Variants in DOCK7 observed in about 807,000 individuals in gnomAD.
DOCK7 encodes the protein dedicator of cytokinesis 7, also known as dedicator of cytokinesis protein 7.
Under a neutral mutation model 271.0 loss-of-function variants are expected in DOCK7, and 138 were observed. The observed-to-expected ratio is 0.51, with a 90% CI of 0.44 to 0.59. The LOEUF (loss-of-function observed/expected upper bound fraction) is 0.59, where lower values mean the gene tolerates loss of function less well. Among genes scored for constraint, DOCK7 ranks in the 20% least tolerant of loss-of-function variants. DOCK7 has a pLI of 0.00. For missense variants in DOCK7, 2,066 were observed against 2,592.4 expected (o/e 0.80, Z 4.41); for synonymous variants, 823 against 876.1 (o/e 0.94, Z 1.07).
At chr1:62,505,892 T>A in intron 35 of DOCK7, 76 bp from the exon 36 acceptor site, 1 of 1,438,488 alleles carries the variant, frequency 7.0e-7, no homozygotes, top group South Asian at 1.4e-5. Flanking sequence ...CCTCCCTATG[T>A]ATAAATAAAG....
chr1:62,474,085 GC>G lies in DOCK7; in HGVS notation c.6108del (p.Pro2037LeufsTer40). 1 of 1,611,336 alleles carries G rather than the reference GC, an allele frequency of 6.2e-7. No homozygotes were observed. The highest frequency in any genetic ancestry group is 8.5e-7 in the Non-Finnish European group (1 of 1,178,834). On this transcript the variant is annotated frameshift_variant and splice_region_variant, in exon 48 of 50. Transcript: ENST00000635253. LOFTEE classifies it high-confidence loss of function. ...QGSVGTTVNQ[G>X]PLEVAQVFLS... ...AGAAAAACCTGGGCAACTTCCAAAG[GC>G]CCCTGCAAAATAAGAAAATAAGAAG...
chr1:62,659,393 T>C (rs1446574541), intron 2 of DOCK7, among the ~76,000 whole-genome samples: 1 of 151,844 alleles, frequency 6.6e-6, no homozygotes, highest in Non-Finnish European at 1.5e-5. Context: ...CTAAAAAAGC[T>C]ATACAAAGAG....
intron 37 of DOCK7, among the ~76,000 whole-genome samples, chr1:62,503,238 TA>T (rs56342264): frequency 0.34 from 52,019 of 151,308 alleles, 9,125 homozygotes; most frequent in South Asian, 0.43. Flanking sequence ...ATAATGTAAT[TA>T]ATAAGGTGTA....
chr1:62,523,153 G>A (rs1450256602), intron 31 of DOCK7, among the ~76,000 whole-genome samples: 1 of 151,974 alleles, frequency 6.6e-6, no homozygotes, highest in Non-Finnish European at 1.5e-5. Flanking sequence ...AGGTTTATTG[G>A]TTTTTGTTTA....
In DOCK7 at chr1:62,504,779, G is replaced by A; in HGVS notation, c.4615C>T (p.Pro1539Ser). The A allele has an allele frequency of 6.2e-7, 1 of 1,609,496 alleles. No individual in the cohort carries two copies. The highest frequency in any genetic ancestry group is 8.5e-7 in the Non-Finnish European group (1 of 1,178,898). The change falls in exon 37 of 50, where the codon CCT becomes TCT. Residue 1539 changes from proline to serine, a missense_variant. Physicochemically the swap from Pro to Ser is moderately conservative, Grantham distance 74. Around this residue, in one of 2 missense-constraint regions of DOCK7, gnomAD observed 652 missense variants for 922.1 expected, o/e 0.71. Coordinates refer to ENST00000635253, the MANE Select transcript of DOCK7 (RefSeq NM_001367561.1). ...ATQRALVSKF[P>S]ELLFEEETEQ... is the part of the protein sequence containing the mutation. ...GTCTCTTCTTCAAATAAGAGTTCAG[G>A]AAACTGTAAAACAACAAAACAAACC...
chr1:62,505,856 TGCAATTTA>T, intron 35 of DOCK7, 40 bp from the exon 36 acceptor site: 1 of 1,592,208 alleles, frequency 6.3e-7, no homozygotes, highest in Non-Finnish European at 8.6e-7. Context: ...GAGATGTACT[TGCAATTTA>T]GTTATGGATG....
chr1:62,457,303 T>A (rs1035929141), intron 49 of DOCK7, among the ~76,000 whole-genome samples: 2 of 152,322 alleles, frequency 1.3e-5, no homozygotes, highest in African/African-American at 4.8e-5. Context: ...TCAGAGACTT[T>A]TTAAGCGCTG....
At position 62,542,695 on chromosome 1, in the gene DOCK7, G is replaced by C. The variant is rs151057814; in HGVS notation, c.2958C>G (p.His986Gln). The change falls in exon 25 of 50, where the codon CAC (histidine) becomes CAG (glutamine). Residue 986 changes from histidine to glutamine, a missense_variant. This residue lies in a region of DOCK7 where 1,414 missense variants were observed against 1,670.4 expected (regional missense o/e 0.85). Coordinates refer to ENST00000635253, the MANE Select transcript of DOCK7 (RefSeq NM_001367561.1). ...TGRLPTKKLFHEELALQWVVC... is the reference protein window; with the variant it reads ...TGRLPTKKLFQEELALQWVVC... Reference sequence around the variant, plus strand: ...CAACCCACTGCAAAGCCAGCTCCTCGTGAAAAAGCTATCCAGAAGTAAATC... The same window carrying C: ...CAACCCACTGCAAAGCCAGCTCCTCCTGAAAAAGCTATCCAGAAGTAAATC... 1 of 1,612,522 alleles carries C rather than the reference G, an allele frequency of 6.2e-7. No homozygotes were observed. The highest frequency in any genetic ancestry group is 8.5e-7 in the Non-Finnish European group (1 of 1,179,224).
At chr1:62,468,236 C>T (rs776400638) in intron 48 of DOCK7, among the ~76,000 whole-genome samples, 16 of 151,808 alleles carry the variant, frequency 1.1e-4, no homozygotes, top group African/African-American at 1.7e-4. Context: ...TGGCAGGCGC[C>T]TGTAATCCCA....
intron 19 of DOCK7, among the ~76,000 whole-genome samples, chr1:62,560,033 G>C (rs2149441277): frequency 6.6e-6 from 1 of 152,234 alleles, no homozygotes; most frequent in Non-Finnish European, 1.5e-5. Flanking sequence ...GTTTCAACTT[G>C]CCCCATGTGA....
chr1:62,637,528 T>G (rs1386368473), intron 7 of DOCK7, among the ~76,000 whole-genome samples: 2 of 152,206 alleles, frequency 1.3e-5, no homozygotes, highest in Non-Finnish European at 2.9e-5. Context: ...CATCCTACGC[T>G]GTACAGGACA....
At chr1:62,591,278 T>TA (rs1228438556) in intron 14 of DOCK7, among the ~76,000 whole-genome samples, 1 of 152,104 alleles carries the variant, frequency 6.6e-6, no homozygotes, top group African/African-American at 2.4e-5. Flanking sequence ...TGTTCTCACT[T>TA]AGAAGTTGTA....
In DOCK7 at chr1:62,688,313, G is replaced by GCACC; in HGVS notation, c.-50_-49insGGTG. ...CGGCGGCGGCTGCGGCGGGCCGGGT[G>GCACC]CGGACCGGCGGGCGCGTGCCTCCTC... is the stretch of plus-strand genomic sequence containing the variant. On this transcript the variant is annotated 5_prime_UTR_variant, in exon 1 of 50. Coordinates refer to ENST00000635253, the MANE Select transcript of DOCK7 (RefSeq NM_001367561.1). 1 of 1,163,452 alleles carries GCACC rather than the reference G, an allele frequency of 8.6e-7. No individual in the cohort carries two copies. The highest frequency in any genetic ancestry group is 1.1e-6 in the Non-Finnish European group (1 of 934,606). The allele number at this position is 1,163,452 out of a possible 1,614,324, so 72.1% of individuals were successfully genotyped here.
chr1:62,680,502 C>G (rs924451421), intron 1 of DOCK7, among the ~76,000 whole-genome samples: 11 of 151,382 alleles, frequency 7.3e-5, no homozygotes, highest in Non-Finnish European at 1.3e-4. Context: ...TCTAAAACAC[C>G]AAAAGCAATG....
At chr1:62,489,265 C>A (rs190643456) in intron 41 of DOCK7, among the ~76,000 whole-genome samples, 200 bp from the exon 42 acceptor site, 5 of 152,188 alleles carry the variant, frequency 3.3e-5, no homozygotes, top group Non-Finnish European at 5.9e-5. Context: ...CTGGCTAGCA[C>A]GGTGAAACCC....
intron 14 of DOCK7, chr1:62,602,252 C>T (rs1488288511): frequency 1.3e-6 from 2 of 1,529,558 alleles, no homozygotes; most frequent in African/African-American, 1.4e-5. Flanking sequence ...CATAAATCTA[C>T]TAAAAATACA....
At chr1:62,654,191 G>A (rs1657714374) in intron 2 of DOCK7, 32 bp from the exon 3 acceptor site, 2 of 1,561,918 alleles carry the variant, frequency 1.3e-6, no homozygotes, top group African/African-American at 1.4e-5. Flanking sequence ...GAGATGGGTA[G>A]AAAACAAGAG....
At chr1:62,567,210 G>T (rs990768642) in intron 18 of DOCK7, among the ~76,000 whole-genome samples, 3 of 152,142 alleles carry the variant, frequency 2.0e-5, no homozygotes, top group African/African-American at 7.2e-5. Context: ...TATACCCAAA[G>T]AATTATAAAT....
chr1:62,565,112 C>T (rs1414394819), intron 18 of DOCK7, among the ~76,000 whole-genome samples: 1 of 152,050 alleles, frequency 6.6e-6, no homozygotes, highest in South Asian at 2.1e-4. Flanking sequence ...CTGAATTCTA[C>T]CAGAGGTGCA....
Sources: gnomAD v4.1 joint callset for allele counts (sites outside exome capture counted in the v4.1 genomes callset) on GRCh38, gnomAD v4.1.1 for gene constraint, gnomAD v4.1.1 regional missense constraint, MANE v1.5 for transcripts, NCBI Gene and HGNC (gene_info 2026-07-23, HGNC 2026-07-21) for gene names.